Variants in PALM observed in about 807,000 individuals in gnomAD.
PALM encodes the protein paralemmin-1.
A neutral mutation model predicts 30.7 loss-of-function variants in PALM; 18 were observed. The ratio of observed to expected loss-of-function variants is 0.59; its 90% confidence interval spans 0.41 to 0.87. The LOEUF (loss-of-function observed/expected upper bound fraction) is 0.87. Among genes scored for constraint, PALM ranks in the 40% least tolerant of loss-of-function variants. The pLI, the probability that PALM is intolerant of heterozygous loss-of-function variation, is 0.00. For synonymous variants in PALM, 286 were observed against 242.8 expected (o/e 1.18, Z -1.66); for missense variants, 529 against 555.4 (o/e 0.95, Z 0.48).
At chr19:741,495 C>A (rs75034547) in intron 8 of PALM, among the ~76,000 whole-genome samples, 1,455 of 18,918 alleles carry the variant, frequency 0.077, 70 homozygotes, top group African/African-American at 0.22. Context: ...GTGAGGGGAG[C>A]TGGGCTGCAG....
rs966834891 is a variant in PALM at position 726,337 on chromosome 19, C to G, written c.57+148C>G. ...CTTGGGAAACTTGGATCCTGCTGACCCGCAGAGAATGGAAGTGGAGACCCC... is the reference window on the plus strand; with the variant it reads ...CTTGGGAAACTTGGATCCTGCTGACGCGCAGAGAATGGAAGTGGAGACCCC... On this transcript the variant is annotated intron_variant, in intron 2 of 8. Transcript: ENST00000338448. 4.6e-5 allele frequency: 30 copies of G among 647,174 alleles called. No individual in the cohort carries two copies. In the Admixed American group the frequency reaches 8.0e-4, roughly 17 times the overall value. The allele number at this position is 647,174 out of a possible 1,614,324, so 40.1% of individuals were successfully genotyped here. A position where few individuals can be genotyped will look rare whatever the true frequency, so the allele number is the denominator to read the frequency against.
intron 4 of PALM, among the ~76,000 whole-genome samples, chr19:728,481 C>T (rs527462864): frequency 1.3e-5 from 2 of 152,138 alleles, no homozygotes; most frequent in Non-Finnish European, 1.5e-5. Context: ...TGGGGGTGTT[C>T]GGGATGGACT....
intron 1 of PALM, among the ~76,000 whole-genome samples, chr19:720,626 G>T (rs1306712018): frequency 1.4e-5 from 2 of 142,414 alleles, no homozygotes; most frequent in East Asian, 4.7e-4. Flanking sequence ...GGCGAGGGGG[G>T]CGCCCGTGAC....
intron 1 of PALM, among the ~76,000 whole-genome samples, chr19:724,100 T>G (rs543432286): frequency 2.0e-5 from 3 of 150,730 alleles, no homozygotes; most frequent in African/African-American, 7.5e-5. Context: ...TGCACCAGCT[T>G]CTGGAGCTGC....
chr19:734,872 A>T, intron 6 of PALM: 1 of 162,496 alleles, frequency 6.2e-6, no homozygotes, highest in Non-Finnish European at 1.3e-5. Flanking sequence ...CTGTATCGAT[A>T]GCGGGACAGC....
intron 4 of PALM, among the ~76,000 whole-genome samples, chr19:728,830 C>T (rs974776855): frequency 2.0e-5 from 3 of 151,896 alleles, no homozygotes; most frequent in African/African-American, 7.3e-5. Flanking sequence ...AGTGAAACCC[C>T]GTCTCTACTA....
At chr19:739,950 A>G (rs2033137939) in intron 7 of PALM, among the ~76,000 whole-genome samples, 1 of 152,310 alleles carries the variant, frequency 6.6e-6, no homozygotes, top group Non-Finnish European at 1.5e-5. Context: ...GCGACAGAGC[A>G]AGGCGGCTCC....
intron 4 of PALM, among the ~76,000 whole-genome samples, chr19:730,207 C>T (rs2032827611): frequency 7.5e-5 from 3 of 39,778 alleles, no homozygotes. Context: ...CTCCAGGCGG[C>T]TGTGGGCTGG....
chr19:718,685 GGCCCTGGGGGCCTCCGT>G (rs2032352813), intron 1 of PALM, among the ~76,000 whole-genome samples: 1 of 152,120 alleles, frequency 6.6e-6, no homozygotes, highest in Non-Finnish European at 1.5e-5. Flanking sequence ...AGACTGGGAT[GGCCCTGGGGGCCTCCGT>G]GCTGCATCCT....
chr19:721,270 A>G (rs148257892), intron 1 of PALM, among the ~76,000 whole-genome samples: 2 of 152,074 alleles, frequency 1.3e-5, no homozygotes, highest in East Asian at 3.9e-4. Context: ...TATTATTATT[A>G]TTATTGTTAT....
intron 1 of PALM, among the ~76,000 whole-genome samples, chr19:710,548 C>A (rs912847126): frequency 6.6e-6 from 1 of 152,184 alleles, no homozygotes; most frequent in Non-Finnish European, 1.5e-5. Context: ...ATCTCCCTCC[C>A]AGAGGAGGGG....
At chr19:729,556 C>T (rs1380607404) in intron 4 of PALM, among the ~76,000 whole-genome samples, 2 of 149,550 alleles carry the variant, frequency 1.3e-5, no homozygotes, top group African/African-American at 4.9e-5. Context: ...AGCTCCGCCT[C>T]CCGGGTTCAC....
chr19:739,081 C>G (rs368331480), intron 7 of PALM, among the ~76,000 whole-genome samples: 2 of 152,102 alleles, frequency 1.3e-5, no homozygotes, highest in East Asian at 3.9e-4. Context: ...TGGCGGGCAG[C>G]CACCAGTCGC....
chr19:720,815 C>T lies in PALM; in HGVS notation c.6-5323C>T, dbSNP rs375482032. 1.9e-3 allele frequency among the ~76,000 whole-genome samples: 296 copies of T among 152,282 alleles called. 1 individual carries two copies. Among genetic ancestry groups the T allele is most frequent in the African/African-American group, 7.0e-3 (290 of 41,566 alleles). ...AGGCGGCCACACAGCCACACTCTGT[C>T]CCCGGGTCCGGTCTGAGCGGCCACC... On this transcript the variant is annotated intron_variant, in intron 1 of 8. Transcript: ENST00000338448.
rs1254793393 is a variant in PALM, at chr19:731,198, C to G, written c.373C>G (p.Pro125Ala). ...PSPVRAPAPS[P>A]AKEERKTEVV... ...CCCAGTCCGGGCCCCAGCCCCGAGT[C>G]CAGCCAAGGAGGAGCGCAAGACAGA... The change falls in exon 5 of 9, where the codon CCA becomes GCA. Residue 125 changes from proline to alanine, a missense_variant. Transcript: ENST00000338448. 2.5e-6 allele frequency: 4 copies of G among 1,611,442 alleles called. No individual in the cohort carries two copies. In the Admixed American group the frequency reaches 5.0e-5, roughly 20 times the overall value.
chr19:714,560 A>G (rs1259865514), intron 1 of PALM, among the ~76,000 whole-genome samples: 41 of 138,252 alleles, frequency 3.0e-4, no homozygotes, highest in East Asian at 9.5e-4. Context: ...GGGTTTCACC[A>G]TGTTAACCAG....
At chr19:725,998 A>G in intron 1 of PALM, 140 bp from the exon 2 acceptor site, 1 of 708,908 alleles carries the variant, frequency 1.4e-6, no homozygotes, top group Non-Finnish European at 2.5e-6. Context: ...CCCACTTTAC[A>G]GAAGGGGAAA....
intron 7 of PALM, among the ~76,000 whole-genome samples, chr19:738,298 G>A (rs1213429434): frequency 6.6e-6 from 1 of 152,108 alleles, no homozygotes; most frequent in Non-Finnish European, 1.5e-5. Context: ...AGGCCGAGGG[G>A]GGCAGATCAT....
chr19:719,933 A>C (rs930065715), intron 1 of PALM, among the ~76,000 whole-genome samples: 11 of 151,874 alleles, frequency 7.2e-5, no homozygotes, highest in Non-Finnish European at 1.5e-4. Context: ...TATTTCGCTT[A>C]ATTTTTCCAA....
Sources: gnomAD v4.1 joint callset for allele counts (sites outside exome capture counted in the v4.1 genomes callset) on GRCh38, gnomAD v4.1.1 for gene constraint, MANE v1.5 for transcripts, NCBI Gene and HGNC (gene_info 2026-07-23, HGNC 2026-07-21) for gene names.